The following METTL25 variants were observed in gnomAD, a reference collection of about 807,000 sequenced individuals.
METTL25 encodes the protein probable methyltransferase-like protein 25.
METTL25 carries 64 observed loss-of-function variants against 71.6 expected under a neutral mutation model. The observed-to-expected ratio is 0.89, with a 90% CI of 0.73 to 1.10. The LOEUF is 1.10. Among genes scored for constraint, METTL25 ranks in the 50% least tolerant of loss-of-function variants. The probability of loss-of-function intolerance (pLI) is 0.00; values close to 1 mark genes in which losing one functional copy is unlikely to be tolerated. For synonymous variants in METTL25, 287 were observed against 250.3 expected, an observed-to-expected ratio of 1.15 and a Z score of -1.38; for missense variants, 807 against 707.0, an observed-to-expected ratio of 1.14 and a Z score of -1.60.
rs1565879717 is a variant in METTL25, at chr12:82,456,759, GTTC to G, written c.1517_1519del (p.Ser506del). ...CATGTTGGTAAAATTTATTCCAAATGTTCTTCTTTTCTGGATTATGTCAGACGG... is the reference window on the plus strand; with the variant it reads ...CATGTTGGTAAAATTTATTCCAAATGTTCTTTTCTGGATTATGTCAGACGG... On this transcript the variant is annotated inframe_deletion, in exon 9 of 12. Coordinates refer to ENST00000248306, the MANE Select transcript of METTL25 (RefSeq NM_032230.3). 1.9e-6 allele frequency: 3 copies of G among 1,603,784 alleles called. No homozygotes were observed. The highest frequency in any genetic ancestry group is 2.2e-5 in the East Asian group (1 of 44,482).
intron 9 of METTL25, among the ~76,000 whole-genome samples, chr12:82,459,622 G>A (rs1565881576): frequency 6.6e-6 from 1 of 152,136 alleles, no homozygotes; most frequent in Non-Finnish European, 1.5e-5. Context: ...GCAAGACTCT[G>A]TCTCCAAGAA....
Position 82,456,740 on chromosome 12 carries a change from G to C in METTL25, c.1492G>C (p.Gly498Arg). The C allele has an allele frequency of 1.3e-6, 2 of 1,594,506 alleles. No individual in the cohort carries two copies. The highest frequency in any genetic ancestry group is 1.7e-6 in the Non-Finnish European group (2 of 1,170,582). Residue 498 changes from glycine to arginine, a missense_variant, in exon 9 of 12, where the codon GGT (glycine) becomes CGT (arginine). Coordinates refer to ENST00000248306, the MANE Select transcript of METTL25 (RefSeq NM_032230.3). ...TTTGTTTTACAGTGATCGGCATGTT[G>C]GTAAAATTTATTCCAAATGTTCTTC... Reference protein sequence around the residue: ...YGITKCDRHVGKIYSKCSSFL... With the variant: ...YGITKCDRHVRKIYSKCSSFL...
rs74315936 is a variant in METTL25 at position 82,465,552 on chromosome 12, G to A, written c.1572+8732G>A. On this transcript the variant is annotated intron_variant, in intron 9 of 11. Transcript: ENST00000248306. ...TAATGTTTGTCAGAAGTATTGGCCT[G>A]TAGTTTTATGTTTTTGTTGTTGTGT... Among the ~76,000 whole-genome samples, 79 of 151,922 alleles carry A rather than the reference G, an allele frequency of 5.2e-4. 1 individual carries two copies. In the East Asian group the frequency reaches 0.014, roughly 28 times the overall value.
intron 3 of METTL25, among the ~76,000 whole-genome samples, chr12:82,394,607 G>A (rs192077181): frequency 2.2e-4 from 33 of 152,110 alleles, no homozygotes; most frequent in Admixed American, 2.0e-3. Flanking sequence ...TACTGAGGGT[G>A]CATCAGTGAA....
Position 82,476,713 on chromosome 12 carries a change from A to G in METTL25, c.1642A>G (p.Asn548Asp), listed in dbSNP as rs778701352. The G allele has an allele frequency of 6.3e-7, 1 of 1,582,656 alleles. No homozygotes were observed. The highest frequency in any genetic ancestry group is 1.8e-5 in the Admixed American group (1 of 56,548). The change falls in exon 10 of 12, where the codon AAT becomes GAT. Residue 548 changes from asparagine (N) to aspartate (D), a missense_variant. Asn to Asp is a conservative substitution (Grantham distance 23). Transcript: ENST00000248306. ...KPRMNELEAF[N>D]MLKVVLAPCI... ...TCGAATGAATGAGCTGGAAGCTTTT[A>G]ATATGGTAAATCTCAGAGTTAAGCA...
intron 1 of METTL25, among the ~76,000 whole-genome samples, chr12:82,368,833 A>G (rs1882869280): frequency 2.0e-5 from 3 of 152,210 alleles, no homozygotes; most frequent in African/African-American, 7.2e-5. Context: ...TCAGTGGGTC[A>G]CCTAGATAAT....
At chr12:82,465,465 G>A (rs955297624) in intron 9 of METTL25, among the ~76,000 whole-genome samples, 1 of 151,918 alleles carries the variant, frequency 6.6e-6, no homozygotes, top group Non-Finnish European at 1.5e-5. Context: ...CTTTCATAGT[G>A]TGTTATCTTT....
chr12:82,448,894 CATAA>C (rs1363687669), intron 8 of METTL25, among the ~76,000 whole-genome samples: 1 of 152,074 alleles, frequency 6.6e-6, no homozygotes, highest in Non-Finnish European at 1.5e-5. Context: ...ACAATAATTT[CATAA>C]ATATTTTGTG....
At chr12:82,395,614 A>G (rs76346145) in intron 3 of METTL25, among the ~76,000 whole-genome samples, 249 of 152,184 alleles carry the variant, frequency 1.6e-3, no homozygotes, top group African/African-American at 5.6e-3. Flanking sequence ...TATCTTTACT[A>G]TCTAAAGTAC....
At chr12:82,452,429 T>C (rs1002589837) in intron 8 of METTL25, among the ~76,000 whole-genome samples, 3 of 152,112 alleles carry the variant, frequency 2.0e-5, no homozygotes, top group Admixed American at 1.3e-4. Flanking sequence ...CTTGAGCCAA[T>C]GAGTTTGAGG....
chr12:82,474,947 C>T (rs1055251215), intron 9 of METTL25, among the ~76,000 whole-genome samples: 4 of 152,122 alleles, frequency 2.6e-5, no homozygotes, highest in African/African-American at 7.2e-5. Context: ...GAAATGCCCA[C>T]GGTTACAGAT....
chr12:82,447,444 A>G (rs142340506), intron 8 of METTL25, among the ~76,000 whole-genome samples: 5 of 152,322 alleles, frequency 3.3e-5, no homozygotes, highest in East Asian at 1.9e-4. Context: ...ACATGCATCA[A>G]TGTGGTTGAA....
chr12:82,375,869 G>T (rs1438105192), intron 1 of METTL25, among the ~76,000 whole-genome samples: 2 of 152,102 alleles, frequency 1.3e-5, no homozygotes, highest in Admixed American at 1.3e-4. Flanking sequence ...CCCAATTTAG[G>T]TTTGCAAAAA....
intron 9 of METTL25, among the ~76,000 whole-genome samples, chr12:82,462,117 C>T (rs1430167705): frequency 6.6e-6 from 1 of 152,126 alleles, no homozygotes; most frequent in Non-Finnish European, 1.5e-5. Context: ...ATTCAGTGTG[C>T]ACTCTCAATT....
intron 3 of METTL25, among the ~76,000 whole-genome samples, chr12:82,395,630 C>T (rs1179515876): frequency 2.0e-5 from 3 of 151,958 alleles, no homozygotes; most frequent in Non-Finnish European, 4.4e-5. Context: ...AGTACAGTAC[C>T]ATACTAGTGT....
chr12:82,359,202 G>T (rs1881434878), intron 1 of METTL25, among the ~76,000 whole-genome samples: 1 of 152,222 alleles, frequency 6.6e-6, no homozygotes, highest in African/African-American at 2.4e-5. Context: ...ATAATTTCAA[G>T]TGGTGGTAAT....
chr12:82,358,827 G>T lies in METTL25; in HGVS notation c.259+3G>T. On this transcript the variant is annotated splice_donor_region_variant and intron_variant, in intron 1 of 11. Coordinates refer to ENST00000248306, the MANE Select transcript of METTL25 (RefSeq NM_032230.3). ...AGTGGAAGCAGAGTGGGAAGCAGGTGGGTGGTGGGGTAGGCGGGGCGGGAA... is the reference window on the plus strand; with the variant it reads ...AGTGGAAGCAGAGTGGGAAGCAGGTTGGTGGTGGGGTAGGCGGGGCGGGAA... 1 of 1,608,102 alleles carries T rather than the reference G, an allele frequency of 6.2e-7. No homozygotes were observed.
At chr12:82,383,673 C>A (rs1884672141) in intron 1 of METTL25, among the ~76,000 whole-genome samples, 1 of 152,064 alleles carries the variant, frequency 6.6e-6, no homozygotes, top group Non-Finnish European at 1.5e-5. Flanking sequence ...GTATAACATT[C>A]AAGTAGGATG....
chr12:82,460,947 TC>T (rs1891830112), intron 9 of METTL25, among the ~76,000 whole-genome samples: 2 of 152,070 alleles, frequency 1.3e-5, no homozygotes, highest in South Asian at 2.1e-4. Context: ...ATGGAGACCA[TC>T]CTGGCTAACA....
Sources: allele counts gnomAD v4.1 joint callset (sites outside exome capture counted in the v4.1 genomes callset), GRCh38; gene constraint gnomAD v4.1.1; transcripts MANE v1.5; gene names NCBI Gene and HGNC (gene_info 2026-07-23, HGNC 2026-07-21).